The following ANAPC16 variants were observed in gnomAD, a reference collection of about 807,000 sequenced individuals.
ANAPC16 encodes the protein anaphase promoting complex subunit 16, also known as anaphase-promoting complex subunit 16.
In ANAPC16, 6 loss-of-function variants were observed where a neutral mutation model predicts 13.1. The ratio of observed to expected loss-of-function variants is 0.46; its 90% CI spans 0.25 to 0.90. The LOEUF (loss-of-function observed/expected upper bound fraction) is 0.90. ANAPC16 is among the 40% of genes least tolerant of loss of function. The pLI, the probability that ANAPC16 is intolerant of heterozygous loss-of-function variation, is 0.18. For synonymous variants in ANAPC16, 55 were observed against 51.3 expected, an observed-to-expected ratio of 1.07 and a Z score of -0.31; for missense variants, 113 against 131.1, an observed-to-expected ratio of 0.86 and a Z score of 0.67.
chr10:72,217,904 G>A (rs1370710051), intron 1 of ANAPC16, among the ~76,000 whole-genome samples: 5 of 151,370 alleles, frequency 3.3e-5, no homozygotes, highest in Non-Finnish European at 2.9e-5. Flanking sequence ...TTAGATTTTC[G>A]GATTTGAGAG....
intron 2 of ANAPC16, among the ~76,000 whole-genome samples, chr10:72,225,977 T>C (rs1860110500): frequency 6.6e-6 from 1 of 151,916 alleles, no homozygotes; most frequent in Admixed American, 6.6e-5. Context: ...AGTATTTTAG[T>C]GCTTAATTAT....
intron 1 of ANAPC16, among the ~76,000 whole-genome samples, chr10:72,218,820 C>G (rs1332453506): frequency 6.6e-6 from 1 of 152,208 alleles, no homozygotes; most frequent in Non-Finnish European, 1.5e-5. Context: ...CAGCAGAAAA[C>G]TGCTTATTTA....
chr10:72,226,944 T>G (rs1860140742), intron 2 of ANAPC16, among the ~76,000 whole-genome samples: 2 of 152,182 alleles, frequency 1.3e-5, no homozygotes, highest in South Asian at 4.1e-4. Flanking sequence ...CTCAAGTTAG[T>G]ATCACTGAGT....
chr10:72,232,592 A>G, intron 3 of ANAPC16, among the ~76,000 whole-genome samples: 1 of 150,674 alleles, frequency 6.6e-6, no homozygotes, highest in Non-Finnish European at 1.5e-5. Flanking sequence ...TTGAGGAGAA[A>G]AAAAAATCCA....
At chr10:72,216,749 G>A (rs1859419650) in intron 1 of ANAPC16, 1 of 451,004 alleles carries the variant, frequency 2.2e-6, no homozygotes, top group African/African-American at 2.0e-5. Flanking sequence ...ATCTTAGCTC[G>A]GACACAGCAA....
intron 1 of ANAPC16, among the ~76,000 whole-genome samples, chr10:72,217,857 A>G (rs1436372828): frequency 6.6e-6 from 1 of 151,842 alleles, no homozygotes; most frequent in Admixed American, 6.6e-5. Context: ...CACTGACAGG[A>G]TGGTCAAAGG....
At chr10:72,218,161 AAAAAATATATAT>A (rs1443701213) in intron 1 of ANAPC16, among the ~76,000 whole-genome samples, 14 of 40,332 alleles carry the variant, frequency 3.5e-4, no homozygotes, top group Admixed American at 1.7e-3. Context: ...AAAAAAAAAA[AAAAAATATATAT>A]ATATATATAT....
intron 1 of ANAPC16, among the ~76,000 whole-genome samples, chr10:72,221,723 TA>T (rs1413915580): frequency 7.2e-6 from 1 of 139,666 alleles, no homozygotes; most frequent in Non-Finnish European, 1.5e-5. Context: ...CACACCCAGC[TA>T]AATTTTTTTT....
chr10:72,233,012 G>T lies in ANAPC16; in HGVS notation c.229G>T (p.Ala77Ser), dbSNP rs150188116. 67 of 1,613,954 alleles carry T rather than the reference G, an allele frequency of 4.2e-5. No individual in the cohort carries two copies. Among genetic ancestry groups the T allele is most frequent in the Non-Finnish European group, 5.6e-5 (66 of 1,179,952 alleles). Residue 77 changes from alanine to serine, a missense_variant, in exon 4 of 4, where the codon GCT (alanine) becomes TCT (serine). Ala to Ser is a moderately conservative substitution (Grantham distance 99, BLOSUM62 1). Transcript: ENST00000299381. ...LKQVKHDQQV[A>S]RMEKLAGLVE... ...TTGACTCCTTACAGATCAGCAAGTT[G>T]CTCGGATGGAAAAACTAGCTGGTTT...
intron 2 of ANAPC16, among the ~76,000 whole-genome samples, chr10:72,230,138 C>T (rs978259974): frequency 2.6e-5 from 4 of 152,052 alleles, no homozygotes; most frequent in African/African-American, 9.7e-5. Context: ...TTTTTTTAAA[C>T]ACTATTTTTA....
chr10:72,218,145 C>CAAAAAAAAAAAAAAAAAAAAAAA (rs142932037), intron 1 of ANAPC16, among the ~76,000 whole-genome samples: 2 of 34,880 alleles, frequency 5.7e-5, no homozygotes, highest in African/African-American at 4.7e-4. Context: ...AACTCTGTCT[C>CAAAAAAAAAAAAAAAAAAAAAAA]AAAAAAAAAA....
chr10:72,223,812 C>T, intron 1 of ANAPC16, 76 bp from the exon 2 acceptor site: 1 of 1,211,366 alleles, frequency 8.3e-7, no homozygotes, highest in African/African-American at 1.5e-5. Context: ...TATGCTGGCC[C>T]TTACAGCAGC....
At chr10:72,224,276 A>G (rs553017031) in intron 2 of ANAPC16, among the ~76,000 whole-genome samples, 324 of 152,260 alleles carry the variant, frequency 2.1e-3, no homozygotes, top group Non-Finnish European at 4.0e-3. Context: ...AGTCATCTAG[A>G]GTTATTTAGA....
intron 3 of ANAPC16, 30 bp downstream of exon 3, chr10:72,230,470 G>A (rs1860262371): frequency 1.3e-6 from 2 of 1,596,704 alleles, no homozygotes; most frequent in Admixed American, 1.7e-5. Context: ...GTACTTGACT[G>A]TGAGAATAAA....
chr10:72,216,876 T>C (rs1310218278), intron 1 of ANAPC16: 4 of 456,092 alleles, frequency 8.8e-6, no homozygotes, highest in African/African-American at 4.0e-5. Context: ...GACAAAATTT[T>C]ACTGGGCACC....
At chr10:72,218,934 G>A (rs1279785802) in intron 1 of ANAPC16, among the ~76,000 whole-genome samples, 1 of 152,182 alleles carries the variant, frequency 6.6e-6, no homozygotes, top group Non-Finnish European at 1.5e-5. Flanking sequence ...GGATGAAAGG[G>A]AGTTCGTTTG....
chr10:72,232,554 C>G (rs1860350352), intron 3 of ANAPC16, among the ~76,000 whole-genome samples: 1 of 150,194 alleles, frequency 6.7e-6, no homozygotes, highest in African/African-American at 2.4e-5. Flanking sequence ...CCACCCCCAC[C>G]CCACCCCCCA....
chr10:72,227,876 C>CAA (rs57330798), intron 2 of ANAPC16, among the ~76,000 whole-genome samples: 134 of 76,590 alleles, frequency 1.7e-3, no homozygotes, highest in African/African-American at 4.4e-3. Context: ...ACTAAAAATA[C>CAA]AAAAAAAAAA....
intron 2 of ANAPC16, among the ~76,000 whole-genome samples, chr10:72,228,255 A>G (rs1433699255): frequency 6.6e-6 from 1 of 152,130 alleles, no homozygotes; most frequent in Non-Finnish European, 1.5e-5. Flanking sequence ...CACCTCACAT[A>G]AGCAGCATAC....
Sources: gnomAD v4.1 joint callset for allele counts (sites outside exome capture counted in the v4.1 genomes callset) on GRCh38, gnomAD v4.1.1 for gene constraint, MANE v1.5 for transcripts, NCBI Gene and HGNC (gene_info 2026-07-23, HGNC 2026-07-21) for gene names.